LIMD1: variants seen among roughly 807,000 people sequenced by gnomAD.
The protein encoded by LIMD1 is LIM domain-containing protein 1.
LIMD1 carries 23 observed loss-of-function variants against 58.4 expected under a neutral mutation model. That is an observed-to-expected ratio of 0.39 (90% CI 0.28 to 0.56). The LOEUF (loss-of-function observed/expected upper bound fraction) is 0.56. LIMD1 is among the 20% of genes least tolerant of loss of function. The pLI is 0.57. For synonymous variants in LIMD1, 334 were observed against 345.5 expected (o/e 0.97, Z 0.37); for missense variants, 838 against 855.5 (o/e 0.98, Z 0.25).
At chr3:45,628,071 G>C (rs1330849077) in intron 1 of LIMD1, among the ~76,000 whole-genome samples, 5 of 151,846 alleles carry the variant, frequency 3.3e-5, no homozygotes, top group Non-Finnish European at 7.4e-5. Context: ...CATCAAGAAG[G>C]TGATTCTTGA....
At position 45,677,897 on chromosome 3, in the gene LIMD1, G is replaced by C. The variant is rs1406412086; in HGVS notation, c.*838G>C. 6.6e-6 allele frequency: 1 copy of C among 152,074 alleles called. No homozygotes were observed. The highest frequency in any genetic ancestry group is 2.4e-5 in the African/African-American group (1 of 41,408). The allele number at this position is 152,074 out of a possible 1,614,324, so 9.4% of individuals were successfully genotyped here. On this transcript the variant is annotated 3_prime_UTR_variant, in exon 8 of 8. Transcript: ENST00000273317. The stretch of plus-strand genomic sequence containing the variant: ...TCAAGAGTTGGTGACTTGGAAGGCC[G>C]CTTCTGCAAGGCAAGTCTCAGGAAC...
intron 1 of LIMD1, among the ~76,000 whole-genome samples, chr3:45,627,489 T>C (rs1701678077): frequency 6.6e-6 from 1 of 152,140 alleles, no homozygotes; most frequent in African/African-American, 2.4e-5. Context: ...ACTTGTGATG[T>C]TTAATAAATG....
At chr3:45,674,284 A>G (rs1697636204) in intron 6 of LIMD1, 59 bp from the exon 7 acceptor site, 7 of 1,416,260 alleles carry the variant, frequency 4.9e-6, no homozygotes, top group Non-Finnish European at 7.0e-6. Context: ...CGGTACATCA[A>G]GCCCGACAGC....
Position 45,595,764 on chromosome 3 carries a change from T to C in LIMD1, c.885T>C (p.Pro295=). The stretch of plus-strand genomic sequence containing the variant: ...TGGGGCCTGTTCAGCCCAGGACCCC[T>C]TCTGTGTCAGCACCCTTGGCCCTGA... The part of the protein sequence containing the change: ...PAVGPVQPRT[P]SVSAPLALSC... Residue 295 remains proline, a synonymous_variant, in exon 1 of 8, where the codon CCT becomes CCC. Transcript: ENST00000273317. 1 of 1,614,082 alleles carries C rather than the reference T, an allele frequency of 6.2e-7. No individual in the cohort carries two copies. The highest frequency in any genetic ancestry group is 1.1e-5 in the South Asian group (1 of 91,088).
chr3:45,640,242 C>T (rs1309311647), intron 2 of LIMD1, among the ~76,000 whole-genome samples: 2 of 152,192 alleles, frequency 1.3e-5, no homozygotes, highest in Non-Finnish European at 2.9e-5. Context: ...TTTTTCACTT[C>T]CATGCCTCTG....
rs1057507221 is a variant in LIMD1 at position 45,635,759 on chromosome 3, A to C, written c.1409-391A>C. On this transcript the variant is annotated intron_variant, in intron 1 of 7. Transcript: ENST00000273317. ...AAAAAAAAAAAAAAAAAAAAAAAAAAAGGGAGGAAAAAAGAAATTTCCCAA... is the reference window on the plus strand; with the variant it reads ...AAAAAAAAAAAAAAAAAAAAAAAAACAGGGAGGAAAAAAGAAATTTCCCAA... 90 of 265,060 alleles carry C rather than the reference A, an allele frequency of 3.4e-4. 2 individuals are homozygous for C. Among genetic ancestry groups the C allele is most frequent in the Non-Finnish European group, 4.5e-4 (79 of 173,728 alleles). 16.4% of individuals were successfully genotyped at this position (265,060 alleles called of 1,614,324 possible).
chr3:45,599,966 G>A (rs907080665), intron 1 of LIMD1, among the ~76,000 whole-genome samples: 3 of 152,150 alleles, frequency 2.0e-5, no homozygotes, highest in Non-Finnish European at 4.4e-5. Flanking sequence ...GCCCTGTGTG[G>A]GGACCATGAA....
chr3:45,606,537 A>G (rs1327329458), intron 1 of LIMD1, among the ~76,000 whole-genome samples: 1 of 152,220 alleles, frequency 6.6e-6, no homozygotes, highest in Non-Finnish European at 1.5e-5. Context: ...TGCCTGCACA[A>G]GTGCCTCCCT....
intron 1 of LIMD1, among the ~76,000 whole-genome samples, chr3:45,623,242 C>T (rs774666088): frequency 2.6e-5 from 4 of 152,068 alleles, no homozygotes; most frequent in Non-Finnish European, 2.9e-5. Context: ...TGGAGAGACT[C>T]GAAGTTAAGA....
intron 1 of LIMD1, among the ~76,000 whole-genome samples, chr3:45,603,117 A>G (rs1447830304): frequency 6.6e-6 from 1 of 152,256 alleles, no homozygotes; most frequent in Non-Finnish European, 1.5e-5. Context: ...CTGGGATTAC[A>G]GGCGTGAGCC....
At chr3:45,662,817 C>T (rs1019018816) in intron 2 of LIMD1, among the ~76,000 whole-genome samples, 4 of 152,010 alleles carry the variant, frequency 2.6e-5, no homozygotes. Flanking sequence ...GCCACCATCT[C>T]TACTAAAAAT....
At chr3:45,619,839 C>CCCCCA (rs1491272722) in intron 1 of LIMD1, among the ~76,000 whole-genome samples, 1 of 101,882 alleles carries the variant, frequency 9.8e-6, no homozygotes, top group Non-Finnish European at 1.9e-5. Context: ...CCCCCCCCCC[C>CCCCCA]AAAAAAAGCA....
At position 45,686,155 on chromosome 3, in the gene LIMD1, T is replaced by C. The variant is rs1286210046; in HGVS notation, c.*9096T>C. On this transcript the variant is annotated 3_prime_UTR_variant, in exon 8 of 8. Coordinates refer to ENST00000273317, the MANE Select transcript of LIMD1 (RefSeq NM_014240.3). ...GCACCTGGAACTGTTTACTTTCCTG[T>C]AACCATTTATCCTTTTAACTTTTTG... 6.6e-6 allele frequency: 1 copy of C among 152,200 alleles called. No individual in the cohort carries two copies. The highest frequency in any genetic ancestry group is 2.4e-5 in the African/African-American group (1 of 41,438). The allele number at this position is 152,200 out of a possible 1,614,324, so 9.4% of individuals were successfully genotyped here.
In LIMD1 at chr3:45,617,113, A is replaced by G. The variant is rs1456188850; in HGVS notation, c.1409-19037A>G. On this transcript the variant is annotated intron_variant, in intron 1 of 7. Transcript: ENST00000273317. ...CAGTGGCACCATCTCAGCTCACTGC[A>G]GCCTCTGCCTCTCAGGTTCAAGCAG... is the stretch of plus-strand genomic sequence containing the variant. Among the ~76,000 whole-genome samples, 3 of 149,252 alleles carry G rather than the reference A, an allele frequency of 2.0e-5. No homozygotes were observed. In the East Asian group the frequency reaches 6.0e-4, roughly 30 times the overall value.
intron 4 of LIMD1, among the ~76,000 whole-genome samples, chr3:45,668,716 G>A (rs987841841): frequency 3.3e-5 from 5 of 150,012 alleles, no homozygotes; most frequent in African/African-American, 1.2e-4. Flanking sequence ...TCACGCCACT[G>A]CACTCCAGCC....
chr3:45,610,075 C>A (rs981596369), intron 1 of LIMD1, among the ~76,000 whole-genome samples: 1 of 152,186 alleles, frequency 6.6e-6, no homozygotes, highest in Admixed American at 6.5e-5. Flanking sequence ...GCCTGTAATC[C>A]CAGCTACTCG....
chr3:45,602,555 A>G (rs1040995564), intron 1 of LIMD1, among the ~76,000 whole-genome samples: 11 of 145,318 alleles, frequency 7.6e-5, no homozygotes, highest in African/African-American at 2.7e-4. Context: ...CTGCAGTGAC[A>G]GACCCCCCTT....
At chr3:45,665,399 GATGACTTCCAAGTCAGCCCTT>G (rs1222820526) in intron 2 of LIMD1, among the ~76,000 whole-genome samples, 6 of 152,120 alleles carry the variant, frequency 3.9e-5, no homozygotes, top group African/African-American at 1.4e-4. Flanking sequence ...GTGAGCGTAG[GATGACTTCCAAGTCAGCCCTT>G]GAGTCTTTTT....
intron 1 of LIMD1, among the ~76,000 whole-genome samples, chr3:45,619,828 GCCCC>G (rs5848760): frequency 1.6e-4 from 14 of 87,532 alleles, no homozygotes; most frequent in African/African-American, 5.5e-4. Context: ...CCAACCCCCC[GCCCC>G]CCCCCCCAAA....
Sources: allele counts gnomAD v4.1 joint callset (sites outside exome capture counted in the v4.1 genomes callset), GRCh38; gene constraint gnomAD v4.1.1; transcripts MANE v1.5; gene names NCBI Gene and HGNC (gene_info 2026-07-23, HGNC 2026-07-21).